The following TANC2 variants were observed in gnomAD, a reference collection of about 807,000 sequenced individuals.
The protein encoded by TANC2 is tetratricopeptide repeat, ankyrin repeat and coiled-coil containing 2.
Under a neutral mutation model 210.5 loss-of-function variants are expected in TANC2, and 26 were observed. The observed-to-expected ratio is 0.12, with a 90% CI of 0.09 to 0.17. The LOEUF (loss-of-function observed/expected upper bound fraction) is 0.17. Among genes scored for constraint, TANC2 ranks in the 10% least tolerant of loss-of-function variants. The probability of loss-of-function intolerance (pLI) is 1.00; values close to 1 mark genes in which losing one functional copy is unlikely to be tolerated. For synonymous variants in TANC2, 931 were observed against 967.1 expected (o/e 0.96, Z 0.69); for missense variants, 2,129 against 2,608.9 (o/e 0.82, Z 4.01).
At chr17:63,312,875 C>G (rs1220983762) in intron 9 of TANC2, among the ~76,000 whole-genome samples, 1 of 152,082 alleles carries the variant, frequency 6.6e-6, no homozygotes, top group African/African-American at 2.4e-5. Context: ...CATTTTGTTT[C>G]TGTTGTCAGA....
At chr17:63,216,430 A>G (rs1241538521) in intron 7 of TANC2, among the ~76,000 whole-genome samples, 1 of 152,150 alleles carries the variant, frequency 6.6e-6, no homozygotes, top group Non-Finnish European at 1.5e-5. Context: ...ATAAAACAGT[A>G]ATAGTAAGTA....
At chr17:63,080,112 A>G (rs188877367) in intron 3 of TANC2, among the ~76,000 whole-genome samples, 69 of 152,280 alleles carry the variant, frequency 4.5e-4, no homozygotes, top group African/African-American at 1.6e-3. Flanking sequence ...GTAATGTAAG[A>G]GTTTATTAAT....
intron 1 of TANC2, among the ~76,000 whole-genome samples, chr17:62,968,028 T>C (rs1269388045): frequency 6.6e-6 from 1 of 152,202 alleles, no homozygotes; most frequent in African/African-American, 2.4e-5. Flanking sequence ...TATATAGATA[T>C]ATGTGCATGT....
intron 14 of TANC2, among the ~76,000 whole-genome samples, chr17:63,359,390 C>T (rs1490188601): frequency 6.6e-6 from 1 of 150,534 alleles, no homozygotes; most frequent in Non-Finnish European, 1.5e-5. Flanking sequence ...GTCACCCAGG[C>T]TAGAGTGCAG....
rs141524377 is a variant in TANC2 at position 63,273,225 on chromosome 17, A to G, written c.1159+5352A>G. On this transcript the variant is annotated intron_variant, in intron 9 of 27. Coordinates refer to ENST00000689528, the Ensembl canonical transcript of TANC2. ...CACTTGAGCCTGTGAGGCCAAAGCT[A>G]CAGTGAGCCATGAGCCATTATTGCT... 4.7e-4 allele frequency among the ~76,000 whole-genome samples: 71 copies of G among 152,276 alleles called. No individual in the cohort carries two copies. In the South Asian group the frequency reaches 6.2e-3, roughly 13 times the overall value.
At chr17:63,158,254 T>A (rs1326977895) in intron 5 of TANC2, among the ~76,000 whole-genome samples, 2 of 152,214 alleles carry the variant, frequency 1.3e-5, no homozygotes, top group Non-Finnish European at 2.9e-5. Flanking sequence ...AAGATAGTAA[T>A]ATCACTCACT....
chr17:63,014,638 T>C (rs1328707132), intron 2 of TANC2, among the ~76,000 whole-genome samples: 1 of 152,228 alleles, frequency 6.6e-6, no homozygotes, highest in Non-Finnish European at 1.5e-5. Context: ...CAATTCATAC[T>C]AGACAGACGT....
chr17:63,388,540 TC>T, intron 15 of TANC2, 94 bp from the exon 16 acceptor site: 1 of 1,315,460 alleles, frequency 7.6e-7, no homozygotes, highest in Non-Finnish European at 1.0e-6. Flanking sequence ...CCGCTCTCAT[TC>T]ATTAGTACCA....
chr17:63,226,475 T>C (rs2042332057), intron 7 of TANC2, among the ~76,000 whole-genome samples: 1 of 152,200 alleles, frequency 6.6e-6, no homozygotes, highest in Non-Finnish European at 1.5e-5. Context: ...CAAGATTCAG[T>C]TTTTAAGATT....
At chr17:63,267,684 A>G in intron 8 of TANC2, 64 bp from the exon 9 acceptor site, 1 of 1,555,728 alleles carries the variant, frequency 6.4e-7, no homozygotes, top group Non-Finnish European at 8.7e-7. Flanking sequence ...TTCCGGAGAT[A>G]CAGACTAGCT....
chr17:63,099,534 A>G (rs1464962556), intron 4 of TANC2, among the ~76,000 whole-genome samples, 177 bp downstream of exon 4: 2 of 152,130 alleles, frequency 1.3e-5, no homozygotes, highest in Non-Finnish European at 2.9e-5. Flanking sequence ...GAGAATTAGA[A>G]CAGTACTCAG....
intron 2 of TANC2, among the ~76,000 whole-genome samples, chr17:63,027,945 A>G (rs906465034): frequency 1.3e-5 from 2 of 151,934 alleles, no homozygotes; most frequent in African/African-American, 4.8e-5. Context: ...TTTTTTTTCT[A>G]TTCTATTCTG....
At chr17:63,291,210 A>T (rs2044373563) in intron 9 of TANC2, among the ~76,000 whole-genome samples, 1 of 152,216 alleles carries the variant, frequency 6.6e-6, no homozygotes, top group Non-Finnish European at 1.5e-5. Flanking sequence ...CTTGTTTATG[A>T]CAGTAGCCTT....
At chr17:63,245,882 C>T (rs1052937340) in intron 8 of TANC2, among the ~76,000 whole-genome samples, 5 of 150,712 alleles carry the variant, frequency 3.3e-5, no homozygotes, top group Non-Finnish European at 7.4e-5. Flanking sequence ...TGGTAGCGTG[C>T]ACCTGTAATC....
intron 6 of TANC2, chr17:63,197,820 G>A (rs767824469): frequency 6.6e-6 from 1 of 152,150 alleles, no homozygotes; most frequent in Non-Finnish European, 1.5e-5. Context: ...TTAAATAGAC[G>A]TCCATTTTAG....
intron 1 of TANC2, among the ~76,000 whole-genome samples, chr17:62,991,123 A>C (rs2032838399): frequency 6.6e-6 from 1 of 152,190 alleles, no homozygotes; most frequent in African/African-American, 2.4e-5. Flanking sequence ...ATCAGAGAGC[A>C]AAGGGGCAAG....
At chr17:63,010,676 A>G (rs1038175792) in intron 2 of TANC2, among the ~76,000 whole-genome samples, 6 of 152,142 alleles carry the variant, frequency 3.9e-5, no homozygotes, top group Admixed American at 2.0e-4. Flanking sequence ...CGACTTGGCT[A>G]CAAATCGGAG....
chr17:63,045,428 C>G (rs2035340391), intron 2 of TANC2, among the ~76,000 whole-genome samples: 1 of 152,168 alleles, frequency 6.6e-6, no homozygotes, highest in African/African-American at 2.4e-5. Flanking sequence ...TCAATTTATT[C>G]AAATCTATCA....
intron 4 of TANC2, among the ~76,000 whole-genome samples, chr17:63,141,016 C>T (rs1453591651): frequency 6.6e-6 from 1 of 151,800 alleles, no homozygotes; most frequent in Non-Finnish European, 1.5e-5. Flanking sequence ...TCCCAAAGTG[C>T]TGGGATTACA....
Sources: allele counts gnomAD v4.1 joint callset (sites outside exome capture counted in the v4.1 genomes callset), GRCh38; gene constraint gnomAD v4.1.1; transcripts MANE v1.5; gene names NCBI Gene and HGNC (gene_info 2026-07-23, HGNC 2026-07-21).